Variants in PDGFD observed in about 807,000 individuals in gnomAD.
The protein encoded by PDGFD is platelet-derived growth factor D.
Under a neutral mutation model 44.7 loss-of-function variants are expected in PDGFD, and 30 were observed. The ratio of observed to expected loss-of-function variants is 0.67; its 90% CI spans 0.50 to 0.91. The LOEUF (loss-of-function observed/expected upper bound fraction) is 0.91. Among genes scored for constraint, PDGFD ranks in the 40% least tolerant of loss-of-function variants. PDGFD has a pLI of 0.00. For missense variants in PDGFD, 445 were observed against 457.8 expected, an observed-to-expected ratio of 0.97 and a Z score of 0.25; for synonymous variants, 173 against 168.4, an observed-to-expected ratio of 1.03 and a Z score of -0.21.
Position 103,926,852 on chromosome 11 carries a change from C to T in PDGFD, c.987+60G>A, listed in dbSNP as rs145247972. The T allele has an allele frequency of 5.9e-3, 8,847 of 1,507,036 alleles. 41 individuals carry two copies. Among genetic ancestry groups the T allele is most frequent in the Middle Eastern group, 8.8e-3 (52 of 5,902 alleles). 93.4% of individuals were successfully genotyped at this position (1,507,036 alleles called of 1,614,324 possible). A position where few individuals can be genotyped will look rare whatever the true frequency, so the allele number is the denominator to read the frequency against. On this transcript the variant is annotated intron_variant, in intron 6 of 6. Transcript: ENST00000393158. ...CAACCTGAACAACTGTATGCAATGG[C>T]CCTGTCTTCCTGAATCCTATAGATT... is the stretch of plus-strand genomic sequence containing the variant.
In PDGFD at chr11:104,065,156, C is replaced by T. The variant is rs79112475; in HGVS notation, c.125-64901G>A. 8.3e-4 allele frequency among the ~76,000 whole-genome samples: 126 copies of T among 152,320 alleles called. 1 individual carries two copies. The highest frequency in any genetic ancestry group is 3.4e-3 in the Middle Eastern group (1 of 294). On this transcript the variant is annotated intron_variant, in intron 1 of 6. Transcript: ENST00000393158. ...CTCAAACATCAGACTCCAAGTTCTT[C>T]AGCTTTGGGACTCAGTCTGGCCTTG...
intron 1 of PDGFD, among the ~76,000 whole-genome samples, chr11:104,008,667 A>G (rs905584777): frequency 6.6e-6 from 1 of 152,150 alleles, no homozygotes; most frequent in Non-Finnish European, 1.5e-5. Flanking sequence ...AGAGATAAAA[A>G]CTGAAGATAC....
At chr11:104,116,157 G>C (rs1220401755) in intron 1 of PDGFD, among the ~76,000 whole-genome samples, 2 of 151,984 alleles carry the variant, frequency 1.3e-5, no homozygotes, top group African/African-American at 2.4e-5. Flanking sequence ...AATTTTTATA[G>C]TTTCAGGTCT....
At chr11:104,105,107 C>T (rs1440121615) in intron 1 of PDGFD, among the ~76,000 whole-genome samples, 1 of 152,070 alleles carries the variant, frequency 6.6e-6, no homozygotes, top group Non-Finnish European at 1.5e-5. Flanking sequence ...ATGGGGGATC[C>T]GTGATTATCA....
chr11:104,000,987 C>G lies in PDGFD; in HGVS notation c.125-732G>C, dbSNP rs189553193. Among the ~76,000 whole-genome samples, 16 of 152,212 alleles carry G rather than the reference C, an allele frequency of 1.1e-4. No individual in the cohort carries two copies. The South Asian group carries it at 1.7e-3, about 16-fold the overall frequency. On this transcript the variant is annotated intron_variant, in intron 1 of 6. Coordinates refer to ENST00000393158, the MANE Select transcript of PDGFD (RefSeq NM_025208.5). ...ATTCATGATATGGCCCCCGGGACCA[C>G]GTCTGAATTTATGCTAATGAAGTGA... is the stretch of plus-strand genomic sequence containing the variant.
chr11:103,996,079 A>G lies in PDGFD; in HGVS notation c.496T>C (p.Tyr166His), dbSNP rs747721497. The G allele has an allele frequency of 2.4e-5, 38 of 1,613,132 alleles. No individual in the cohort carries two copies. Among genetic ancestry groups the G allele is most frequent in the Admixed American group, 5.0e-5 (3 of 59,898 alleles). Residue 166 changes from tyrosine to histidine, a missense_variant, in exon 3 of 7, where the codon TAT (tyrosine) becomes CAT (histidine). Coordinates refer to ENST00000393158, the MANE Select transcript of PDGFD (RefSeq NM_025208.5). ...YFVAKPGFKIYYSLLEDFQPA... is the reference protein window; with the variant it reads ...YFVAKPGFKIHYSLLEDFQPA... ...TAAGTACTCACCAGCAAAGAATAATAAATCTTGAATCCAGGTTTAGCCACA... is the reference window on the plus strand; with the variant it reads ...TAAGTACTCACCAGCAAAGAATAATGAATCTTGAATCCAGGTTTAGCCACA...
chr11:103,971,319 C>A (rs751961737), intron 3 of PDGFD, among the ~76,000 whole-genome samples: 9 of 152,118 alleles, frequency 5.9e-5, no homozygotes, highest in Non-Finnish European at 1.2e-4. Flanking sequence ...GAAATGTATA[C>A]ATCCAATCCT....
chr11:103,967,838 T>C (rs1006486508), intron 3 of PDGFD, among the ~76,000 whole-genome samples: 2 of 152,206 alleles, frequency 1.3e-5, no homozygotes, highest in Admixed American at 6.5e-5. Flanking sequence ...AAATATTTCC[T>C]TGATTCTAAC....
At chr11:103,944,225 T>C (rs1340826420) in intron 4 of PDGFD, among the ~76,000 whole-genome samples, 1 of 152,214 alleles carries the variant, frequency 6.6e-6, no homozygotes, top group African/African-American at 2.4e-5. Flanking sequence ...ATTGGCTCTC[T>C]TGACTTAAAA....
intron 6 of PDGFD, among the ~76,000 whole-genome samples, chr11:103,919,189 T>C (rs545669459): frequency 2.8e-4 from 43 of 152,216 alleles, no homozygotes; most frequent in Non-Finnish European, 6.0e-4. Flanking sequence ...GTGGGTTTCA[T>C]ACCACCATAC....
chr11:104,022,880 C>T (rs1182985755), intron 1 of PDGFD, among the ~76,000 whole-genome samples: 3 of 151,968 alleles, frequency 2.0e-5, no homozygotes, highest in Admixed American at 6.6e-5. Context: ...GTTTCCTGAA[C>T]ACTATGTAGG....
chr11:104,037,721 G>A (rs944100874), intron 1 of PDGFD: 1 of 1,614,086 alleles, frequency 6.2e-7, no homozygotes, highest in Non-Finnish European at 8.5e-7. Flanking sequence ...AGAATTATTG[G>A]CCGTGTTCAT....
chr11:104,004,990 T>C (rs1033836362), intron 1 of PDGFD, among the ~76,000 whole-genome samples: 2 of 147,144 alleles, frequency 1.4e-5, no homozygotes, highest in Admixed American at 1.4e-4. Flanking sequence ...GCAAGTCTCC[T>C]GCCTCAGCCT....
intron 1 of PDGFD, among the ~76,000 whole-genome samples, chr11:104,039,916 A>G (rs1860320495): frequency 6.6e-6 from 1 of 152,146 alleles, no homozygotes; most frequent in South Asian, 2.1e-4. Context: ...AGAATTTTTA[A>G]GATAAAAGAC....
At chr11:104,069,313 GCTT>G (rs1463665356) in intron 1 of PDGFD, among the ~76,000 whole-genome samples, 1 of 152,084 alleles carries the variant, frequency 6.6e-6, no homozygotes, top group African/African-American at 2.4e-5. Flanking sequence ...ACTGTTGTGT[GCTT>G]TTTAACACAT....
intron 1 of PDGFD, among the ~76,000 whole-genome samples, chr11:104,073,997 C>T (rs1860916062): frequency 6.6e-6 from 1 of 152,284 alleles, no homozygotes; most frequent in African/African-American, 2.4e-5. Flanking sequence ...TTTAGTACAC[C>T]TATTTTCCAG....
chr11:103,939,885 T>C (rs1430912799), intron 5 of PDGFD, among the ~76,000 whole-genome samples: 1 of 152,110 alleles, frequency 6.6e-6, no homozygotes, highest in Non-Finnish European at 1.5e-5. Flanking sequence ...CGCTACCCTT[T>C]TCTCCATTAC....
At chr11:104,098,932 T>C (rs1246395442) in intron 1 of PDGFD, among the ~76,000 whole-genome samples, 1 of 152,024 alleles carries the variant, frequency 6.6e-6, no homozygotes, top group Non-Finnish European at 1.5e-5. Flanking sequence ...TTTGAGACGG[T>C]AGGTGAAACT....
chr11:103,964,567 C>T (rs1169996285), intron 3 of PDGFD, among the ~76,000 whole-genome samples: 1 of 152,034 alleles, frequency 6.6e-6, no homozygotes, highest in South Asian at 2.1e-4. Flanking sequence ...TTTTCTTTTC[C>T]TTCCCATATC....
Sources: allele counts gnomAD v4.1 joint callset (sites outside exome capture counted in the v4.1 genomes callset), GRCh38; gene constraint gnomAD v4.1.1; transcripts MANE v1.5; gene names NCBI Gene and HGNC (gene_info 2026-07-23, HGNC 2026-07-21).